Variants in PDS5A observed in about 807,000 individuals in gnomAD.
PDS5A encodes PDS5 cohesin associated factor A.
Under a neutral mutation model 167.1 loss-of-function variants are expected in PDS5A, and 42 were observed. That is an observed-to-expected ratio of 0.25 (90% CI 0.20 to 0.33). The LOEUF (loss-of-function observed/expected upper bound fraction) is 0.33. PDS5A is among the 10% of genes least tolerant of loss of function. The pLI is 1.00. For missense variants in PDS5A, 1,033 were observed against 1,605.9 expected (o/e 0.64, Z 6.10); for synonymous variants, 553 against 554.6 (o/e 1.00, Z 0.04).
At position 39,879,837 on chromosome 4, in the gene PDS5A, T is replaced by A. The variant is rs1560449564; in HGVS notation, c.1887-4A>T. 1.3e-6 allele frequency: 2 copies of A among 1,540,552 alleles called. No individual in the cohort carries two copies. The highest frequency in any genetic ancestry group is 1.7e-4 in the Middle Eastern group (1 of 5,920). ...ATTCATCAATTTCACTAGTGCACTA[T>A]AAAAAGAAGAAAATATAAATCAGTA... On this transcript the variant is annotated splice_region_variant and splice_polypyrimidine_tract_variant and intron_variant, in intron 17 of 32. Transcript: ENST00000303538.
intron 22 of PDS5A, among the ~76,000 whole-genome samples, chr4:39,867,487 G>A (rs532414443): frequency 4.7e-5 from 7 of 150,338 alleles, no homozygotes; most frequent in South Asian, 4.2e-4. Context: ...GAGGTCAGGC[G>A]TTTGAGACCA....
At chr4:39,877,794 A>G (rs1256717427) in intron 18 of PDS5A, among the ~76,000 whole-genome samples, 3 of 151,848 alleles carry the variant, frequency 2.0e-5, no homozygotes, top group Non-Finnish European at 4.4e-5. Context: ...TTTTGTAGAG[A>G]TGAGGTCTAG....
At chr4:39,922,391 TCA>T (rs1207554566) in intron 6 of PDS5A, among the ~76,000 whole-genome samples, 2 of 152,210 alleles carry the variant, frequency 1.3e-5, no homozygotes, top group Admixed American at 6.5e-5. Context: ...CAAAACATTT[TCA>T]GTTTCCAGAA....
intron 32 of PDS5A, among the ~76,000 whole-genome samples, chr4:39,826,652 A>AT (rs1715354492): frequency 1.3e-5 from 2 of 151,320 alleles, no homozygotes; most frequent in African/African-American, 4.9e-5. Context: ...TGCCCAGCTC[A>AT]TTTTTTGTAT....
intron 12 of PDS5A, 62 bp from the exon 13 acceptor site, chr4:39,902,522 ATT>A (rs199900186): frequency 0.032 from 18,520 of 577,342 alleles, no homozygotes; most frequent in South Asian, 0.047. Context: ...TTAAGAAGCA[ATT>A]TTTTTTTTTT....
At chr4:39,926,562 T>C (rs185950494) in intron 4 of PDS5A, among the ~76,000 whole-genome samples, 194 of 151,550 alleles carry the variant, frequency 1.3e-3, no homozygotes, top group African/African-American at 4.4e-3. Context: ...AAAGATATAG[T>C]TTCAAATAAT....
chr4:39,867,065 A>T, intron 22 of PDS5A, 68 bp from the exon 23 acceptor site: 1 of 1,259,656 alleles, frequency 7.9e-7, no homozygotes, highest in East Asian at 2.5e-5. Context: ...AAATTAATTT[A>T]ATTAGATTAA....
intron 29 of PDS5A, 57 bp downstream of exon 29, chr4:39,845,761 T>C: frequency 7.4e-7 from 1 of 1,351,024 alleles, no homozygotes; most frequent in South Asian, 1.7e-5. Context: ...TTTCTAGGAA[T>C]AGCAGAAGCA....
At chr4:39,898,664 T>A in intron 15 of PDS5A, 113 bp downstream of exon 15, 1 of 934,058 alleles carries the variant, frequency 1.1e-6, no homozygotes, top group Non-Finnish European at 1.6e-6. Flanking sequence ...GAAACAAAAT[T>A]AAGATAAAGA....
At chr4:39,866,733 T>C (rs1719489729) in intron 23 of PDS5A, 128 bp downstream of exon 23, 1 of 720,384 alleles carries the variant, frequency 1.4e-6, no homozygotes. Flanking sequence ...CCTAAATGAG[T>C]ACATAAGATC....
At chr4:39,901,841 A>T (rs939350237) in intron 13 of PDS5A, among the ~76,000 whole-genome samples, 7 of 145,580 alleles carry the variant, frequency 4.8e-5, no homozygotes, top group Middle Eastern at 3.2e-3. Context: ...CATTTACTTT[A>T]AAAAAAAAAT....
chr4:39,892,346 T>C lies in PDS5A; in HGVS notation c.1771-1982A>G, dbSNP rs11935105. ...TTGTGCTAATATATAGAACCAGGCC[T>C]GAATCCCAACACTTCTGAACACAAC... On this transcript the variant is annotated intron_variant, in intron 16 of 32. Coordinates refer to ENST00000303538, the MANE Select transcript of PDS5A (RefSeq NM_001100399.2). 4.1e-4 allele frequency among the ~76,000 whole-genome samples: 62 copies of C among 152,314 alleles called. 1 individual carries two copies. The highest frequency in any genetic ancestry group is 1.4e-3 in the African/African-American group (58 of 41,574).
chr4:39,896,764 TA>T (rs973503137), intron 16 of PDS5A, among the ~76,000 whole-genome samples: 252 of 139,502 alleles, frequency 1.8e-3, no homozygotes, highest in Admixed American at 2.1e-3. Flanking sequence ...AAACCCTGTT[TA>T]AAAAAAAAAA....
At chr4:39,973,470 C>G (rs769274250) in intron 2 of PDS5A, 1 of 1,342,712 alleles carries the variant, frequency 7.4e-7, no homozygotes, top group East Asian at 2.3e-5. Flanking sequence ...TTAATATTTA[C>G]GTGAAAAATC....
rs545674344 is a variant in PDS5A, at chr4:39,939,402, G to A, written c.139-11238C>T. On this transcript the variant is annotated intron_variant, in intron 2 of 32. Coordinates refer to ENST00000303538, the MANE Select transcript of PDS5A (RefSeq NM_001100399.2). ...GGATCGCTTGAACCTAGGAGGGTGA[G>A]GCTGTAATGACCTCTGATCACACCA... Among the ~76,000 whole-genome samples the A allele has an allele frequency of 3.9e-5, 6 of 152,290 alleles. No homozygotes were observed. The South Asian group carries it at 1.2e-3, about 32-fold the overall frequency.
rs1407554582 is a variant in PDS5A at position 39,866,881 on chromosome 4, C to G, written c.2622G>C (p.Leu874=). ...CTCACCTGATCCTCTTTTGCTCTGTCAGGTCACCCTCACTAACCAACATCG... is the reference window on the plus strand; with the variant it reads ...CTCACCTGATCCTCTTTTGCTCTGTGAGGTCACCCTCACTAACCAACATCG... The part of the protein sequence containing the change: ...LSAMLVSEGD[L]TEQKRISKSD... Residue 874 remains leucine (L), a synonymous_variant, in exon 23 of 33, where the codon CTG becomes CTC. Transcript: ENST00000303538. 1 of 1,612,100 alleles carries G rather than the reference C, an allele frequency of 6.2e-7. No homozygotes were observed. Among genetic ancestry groups the G allele is most frequent in the African/African-American group, 1.3e-5 (1 of 74,832 alleles).
chr4:39,867,245 A>AT lies in PDS5A; in HGVS notation c.2506-249dup, dbSNP rs531784005. ...CTCCCAAAAAATTCTTATGAGGAAG[A>AT]TTTTTTTTTTTCCAACAGATAAGGC... On this transcript the variant is annotated intron_variant, in intron 22 of 32. Coordinates refer to ENST00000303538, the MANE Select transcript of PDS5A (RefSeq NM_001100399.2). Among the ~76,000 whole-genome samples the AT allele has an allele frequency of 1.2e-3, 175 of 148,794 alleles. 2 individuals carry two copies. Among genetic ancestry groups the AT allele is most frequent in the African/African-American group, 2.8e-3 (115 of 40,818 alleles).
At chr4:39,906,912 T>C (rs908894317) in intron 11 of PDS5A, among the ~76,000 whole-genome samples, 1 of 112,420 alleles carries the variant, frequency 8.9e-6, no homozygotes, top group African/African-American at 3.9e-5. Context: ...TTGAGATTTC[T>C]TACATAAAAA....
At chr4:39,872,375 C>T (rs1578644730) in intron 21 of PDS5A, among the ~76,000 whole-genome samples, 1 of 151,580 alleles carries the variant, frequency 6.6e-6, no homozygotes, top group East Asian at 2.0e-4. Flanking sequence ...TTTGATAAAA[C>T]AAATTTTAGC....
Sources: allele counts gnomAD v4.1 joint callset (sites outside exome capture counted in the v4.1 genomes callset), GRCh38; gene constraint gnomAD v4.1.1; transcripts MANE v1.5; gene names NCBI Gene and HGNC (gene_info 2026-07-23, HGNC 2026-07-21).